The following PCBP4 variants were observed in gnomAD, a reference collection of about 807,000 sequenced individuals.
PCBP4 encodes poly(rC) binding protein 4.
PCBP4 carries 24 observed loss-of-function variants against 46.2 expected under a neutral mutation model. The observed-to-expected ratio is 0.52, with a 90% CI of 0.38 to 0.73. PCBP4 has a LOEUF of 0.73. Among genes scored for constraint, PCBP4 ranks in the 30% least tolerant of loss-of-function variants. The probability of loss-of-function intolerance (pLI) is 0.00; values close to 1 mark genes in which losing one functional copy is unlikely to be tolerated. For synonymous variants in PCBP4, 203 were observed against 224.4 expected, an observed-to-expected ratio of 0.90 and a Z score of 0.85; for missense variants, 407 against 537.0, an observed-to-expected ratio of 0.76 and a Z score of 2.39.
Position 51,958,491 on chromosome 3 carries a change from T to G in PCBP4, c.924-142A>C. On this transcript the variant is annotated intron_variant, in intron 13 of 13. Transcript: ENST00000461554. This position sits in a 1 kb window ranked among gnomAD's most constrained non-coding sequence, Gnocchi z 5.4. ...AACAATAAGGGGAAGATGGGAAAGGTGGAAGAGGAAGGGAAGAAAGGACAA... is the reference window on the plus strand; with the variant it reads ...AACAATAAGGGGAAGATGGGAAAGGGGGAAGAGGAAGGGAAGAAAGGACAA... 1.5e-6 allele frequency: 1 copy of G among 654,106 alleles called. No individual in the cohort carries two copies. Among genetic ancestry groups the G allele is most frequent in the South Asian group, 2.4e-5 (1 of 41,634 alleles). 40.5% of individuals were successfully genotyped at this position (654,106 alleles called of 1,614,324 possible).
chr3:51,958,720 C>T lies in PCBP4; in HGVS notation c.923+70G>A. ...GAGAGAGGAGGCCAGCTTCCTCTCCCCACCCCTGCCTTTCTTGGGCACATG... is the reference window on the plus strand; with the variant it reads ...GAGAGAGGAGGCCAGCTTCCTCTCCTCACCCCTGCCTTTCTTGGGCACATG... On this transcript the variant is annotated intron_variant, in intron 13 of 13. Coordinates refer to ENST00000461554, the MANE Select transcript of PCBP4 (RefSeq NM_001174100.2). This position sits in a 1 kb window ranked among gnomAD's most constrained non-coding sequence, Gnocchi z 5.4. 6.5e-7 allele frequency: 1 copy of T among 1,535,546 alleles called. No individual in the cohort carries two copies. The highest frequency in any genetic ancestry group is 8.8e-7 in the Non-Finnish European group (1 of 1,134,422).
Position 51,960,177 on chromosome 3 carries a change from C to G in PCBP4, c.387+12G>C. 1 of 1,614,096 alleles carries G rather than the reference C, an allele frequency of 6.2e-7. No individual in the cohort carries two copies. Among genetic ancestry groups the G allele is most frequent in the Non-Finnish European group, 8.5e-7 (1 of 1,180,020 alleles). On this transcript the variant is annotated intron_variant, in intron 7 of 13. Coordinates refer to ENST00000461554, the MANE Select transcript of PCBP4 (RefSeq NM_001174100.2). The surrounding 1 kb of genome is among the most constrained non-coding windows in gnomAD (Gnocchi z 5.0). ...CCCGGATTCCCTGTGGGTGGTATAT[C>G]TCGCCCCTCACCTCTCGGATCTCCT...
Position 51,960,195 on chromosome 3 carries a change from G to C in PCBP4, c.381C>G (p.Ile127Met). The part of the protein sequence containing the change: ...IGKAGTKIKE[I>M]RETTGAQVQV... ...GGTATATCTCGCCCCTCACCTCTCG[G>C]ATCTCCTTGATCTTGGTGCCAGCCT... The change falls in exon 7 of 14, where the codon ATC becomes ATG. Residue 127 changes from isoleucine (I) to methionine (M), a missense_variant. Ile to Met is a conservative substitution (Grantham distance 10). Coordinates refer to ENST00000461554, the MANE Select transcript of PCBP4 (RefSeq NM_001174100.2). The surrounding 1 kb of genome is among the most constrained non-coding windows in gnomAD (Gnocchi z 5.0). The C allele has an allele frequency of 6.2e-7, 1 of 1,614,088 alleles. No homozygotes were observed. The highest frequency in any genetic ancestry group is 8.5e-7 in the Non-Finnish European group (1 of 1,180,034).
At position 51,959,074 on chromosome 3, in the gene PCBP4, G is replaced by A. The variant is rs146940855; in HGVS notation, c.726C>T (p.Ser242=). 9.3e-6 allele frequency: 15 copies of A among 1,613,836 alleles called. No individual in the cohort carries two copies. Among genetic ancestry groups the A allele is most frequent in the African/African-American group, 4.0e-5 (3 of 74,896 alleles). ...CGTTGGGAACCAAGAACTCCTGTGAGCTGGTCTGTGTGCCGGGATCCAGTC... is the reference window on the plus strand; with the variant it reads ...CGTTGGGAACCAAGAACTCCTGTGAACTGGTCTGTGTGCCGGGATCCAGTC... ...VPGLDPGTQT[S]SQEFLVPNDL... The change falls in exon 12 of 14, where the codon AGC becomes AGT. Residue 242 remains serine, a synonymous_variant. Transcript: ENST00000461554. This position sits in a 1 kb window ranked among gnomAD's most constrained non-coding sequence, Gnocchi z 5.6.
chr3:51,958,355 G>A lies in PCBP4; in HGVS notation c.924-6C>T, dbSNP rs1699930867. 4.7e-6 allele frequency: 7 copies of A among 1,486,320 alleles called. No homozygotes were observed. The highest frequency in any genetic ancestry group is 6.3e-6 in the Non-Finnish European group (7 of 1,119,052). 92.1% of individuals were successfully genotyped at this position (1,486,320 alleles called of 1,614,324 possible). Reference sequence around the variant, plus strand: ...TAGACTTGGCCGTCTCTAGACTGGAGAGAGGGATATAGAGGGGAGACAAAG... The same window carrying A: ...TAGACTTGGCCGTCTCTAGACTGGAAAGAGGGATATAGAGGGGAGACAAAG... On this transcript the variant is annotated splice_polypyrimidine_tract_variant and splice_region_variant and intron_variant, in intron 13 of 13. Transcript: ENST00000461554. The surrounding 1 kb of genome is among the most constrained non-coding windows in gnomAD (Gnocchi z 5.4).
intron 1 of PCBP4, among the ~76,000 whole-genome samples, chr3:51,963,915 T>G (rs1197621589): frequency 6.6e-6 from 1 of 152,216 alleles, no homozygotes; most frequent in Non-Finnish European, 1.5e-5. Context: ...TGGCTCCCCC[T>G]GCCCTCAGTG....
chr3:51,963,097 T>C (rs1358841318), intron 1 of PCBP4: 2 of 152,270 alleles, frequency 1.3e-5, no homozygotes, highest in African/African-American at 2.4e-5. Flanking sequence ...CTTCTCCTTA[T>C]GTCCCCAGGG....
Position 51,958,144 on chromosome 3 carries a change from G to A in PCBP4, c.1129C>T (p.Pro377Ser). Reference sequence around the variant, plus strand: ...TTGGCAGTGTAGGCCGCCAAGCCCGGCGGCGGCCCTGGGGAAGCAGGTGGT... The same window carrying A: ...TTGGCAGTGTAGGCCGCCAAGCCCGACGGCGGCCCTGGGGAAGCAGGTGGT... ...ALPPASPGPPPGLAAYTAKMA... is the reference protein window; with the variant it reads ...ALPPASPGPPSGLAAYTAKMA... Residue 377 changes from proline (P) to serine (S), a missense_variant, in exon 14 of 14, where the codon CCG becomes TCG. By Grantham distance (74) the Pro-to-Ser change is moderately conservative. Transcript: ENST00000461554. The surrounding 1 kb of genome is among the most constrained non-coding windows in gnomAD (Gnocchi z 5.4). 6.2e-7 allele frequency: 1 copy of A among 1,612,084 alleles called. No individual in the cohort carries two copies. The highest frequency in any genetic ancestry group is 8.5e-7 in the Non-Finnish European group (1 of 1,179,136).
In PCBP4 at chr3:51,959,088, C is replaced by A; in HGVS notation, c.712G>T (p.Gly238Cys). 2 of 1,613,880 alleles carry A rather than the reference C, an allele frequency of 1.2e-6. No homozygotes were observed. The highest frequency in any genetic ancestry group is 1.7e-6 in the Non-Finnish European group (2 of 1,179,936). ...AACTCCTGTGAGCTGGTCTGTGTGC[C>A]GGGATCCAGTCCTGAGGGGGAGAAG... ...TPSVVPGLDPGTQTSSQEFLV... is the reference protein window; with the variant it reads ...TPSVVPGLDPCTQTSSQEFLV... The change falls in exon 12 of 14, where the codon GGC becomes TGC. Residue 238 changes from glycine to cysteine, a missense_variant. Coordinates refer to ENST00000461554, the MANE Select transcript of PCBP4 (RefSeq NM_001174100.2). The surrounding 1 kb of genome is among the most constrained non-coding windows in gnomAD (Gnocchi z 5.6).
chr3:51,960,916 CAG>C lies in PCBP4; in HGVS notation c.106-20_106-19del, dbSNP rs1418081760. 1 of 1,614,082 alleles carries C rather than the reference CAG, an allele frequency of 6.2e-7. No homozygotes were observed. Among genetic ancestry groups the C allele is most frequent in the African/African-American group, 1.3e-5 (1 of 74,916 alleles). ...TCGCCCTTCTGTGGGAGGTACAAAA[CAG>C]ATAATCACTCTTAACTTAGAGGTCA... is the stretch of plus-strand genomic sequence containing the variant. On this transcript the variant is annotated intron_variant, in intron 4 of 13. Transcript: ENST00000461554. This position sits in a 1 kb window ranked among gnomAD's most constrained non-coding sequence, Gnocchi z 5.0.
chr3:51,958,032 G>T lies in PCBP4; in HGVS notation c.*29C>A. 6.6e-7 allele frequency: 1 copy of T among 1,511,948 alleles called. No homozygotes were observed. Among genetic ancestry groups the T allele is most frequent in the Non-Finnish European group, 8.8e-7 (1 of 1,132,070 alleles). The allele number at this position is 1,511,948 out of a possible 1,614,324, so 93.7% of individuals were successfully genotyped here. The stretch of plus-strand genomic sequence containing the variant: ...GAGGCAGCCCCCTGCTGGTGGTCCT[G>T]CCTGCCCCTGCCTGTACCTCAGCTG... On this transcript the variant is annotated 3_prime_UTR_variant, in exon 14 of 14. Coordinates refer to ENST00000461554, the MANE Select transcript of PCBP4 (RefSeq NM_001174100.2). This position sits in a 1 kb window ranked among gnomAD's most constrained non-coding sequence, Gnocchi z 5.4.
chr3:51,959,536 T>C lies in PCBP4; in HGVS notation c.591+41A>G. The C allele has an allele frequency of 6.5e-7, 1 of 1,537,706 alleles. No homozygotes were observed. Among genetic ancestry groups the C allele is most frequent in the Non-Finnish European group, 8.8e-7 (1 of 1,134,576 alleles). ...TCCCCTCCTCTATCTCAATCCCCCT[T>C]CTCCAGTAATGTGTCCCACTGCTCC... On this transcript the variant is annotated intron_variant, in intron 9 of 13. Coordinates refer to ENST00000461554, the MANE Select transcript of PCBP4 (RefSeq NM_001174100.2). This position sits in a 1 kb window ranked among gnomAD's most constrained non-coding sequence, Gnocchi z 5.6.
chr3:51,959,659 G>A lies in PCBP4; in HGVS notation c.517-8C>T, dbSNP rs1414343635. On this transcript the variant is annotated splice_polypyrimidine_tract_variant and splice_region_variant and intron_variant, in intron 8 of 13. Transcript: ENST00000461554. This position sits in a 1 kb window ranked among gnomAD's most constrained non-coding sequence, Gnocchi z 5.6. Reference sequence around the variant, plus strand: ...GGCTCCTTTGGGTGGGGACTGGAAGGCATAAACAGGGCTCTGTCAGGACCC... The same window carrying A: ...GGCTCCTTTGGGTGGGGACTGGAAGACATAAACAGGGCTCTGTCAGGACCC... 7 of 1,550,780 alleles carry A rather than the reference G, an allele frequency of 4.5e-6. No individual in the cohort carries two copies. The highest frequency in any genetic ancestry group is 6.1e-6 in the Non-Finnish European group (7 of 1,146,232).
In PCBP4 at chr3:51,960,668, C is replaced by A. The variant is rs765843169; in HGVS notation, c.139-26G>T. On this transcript the variant is annotated intron_variant, in intron 5 of 13. Transcript: ENST00000461554. This position sits in a 1 kb window ranked among gnomAD's most constrained non-coding sequence, Gnocchi z 5.0. ...CTGCAGATATAGAATGAGCGCCGGG[C>A]AGCGGGGCATCTTCCCTGCTCCCTT... 1 of 1,575,618 alleles carries A rather than the reference C, an allele frequency of 6.3e-7. No homozygotes were observed. Among genetic ancestry groups the A allele is most frequent in the African/African-American group, 1.3e-5 (1 of 74,082 alleles).
chr3:51,959,714 C>T lies in PCBP4; in HGVS notation c.517-63G>A. On this transcript the variant is annotated intron_variant, in intron 8 of 13. Coordinates refer to ENST00000461554, the MANE Select transcript of PCBP4 (RefSeq NM_001174100.2). The surrounding 1 kb of genome is among the most constrained non-coding windows in gnomAD (Gnocchi z 5.6). Reference sequence around the variant, plus strand: ...AGGCTCCGATAACCTCCCCAGCTGCCCAGTGGCCTCAGGCCCCCACCATGA... The same window carrying T: ...AGGCTCCGATAACCTCCCCAGCTGCTCAGTGGCCTCAGGCCCCCACCATGA... 6.7e-7 allele frequency: 1 copy of T among 1,494,970 alleles called. No homozygotes were observed. 92.6% of individuals were successfully genotyped at this position (1,494,970 alleles called of 1,614,324 possible). A position where few individuals can be genotyped will look rare whatever the true frequency, so the allele number is the denominator to read the frequency against.
In PCBP4 at chr3:51,961,154, G is replaced by A. The variant is rs191313924; in HGVS notation, c.81+6C>T. The A allele has an allele frequency of 3.9e-5, 63 of 1,613,538 alleles. No homozygotes were observed. Among genetic ancestry groups the A allele is most frequent in the African/African-American group, 2.1e-4 (16 of 75,040 alleles). On this transcript the variant is annotated splice_donor_region_variant and intron_variant, in intron 3 of 13. Transcript: ENST00000461554. The stretch of plus-strand genomic sequence containing the variant: ...TGCCTCGCCTGGCCCTCCACCTCCC[G>A]CTCACCTTCCCGTGCATCAGCATCC...
rs138501114 is a variant in PCBP4, at chr3:51,961,016, G to A, written c.99C>T (p.Ile33=). The A allele has an allele frequency of 1.7e-5, 28 of 1,614,216 alleles. No individual in the cohort carries two copies. The Middle Eastern group carries it at 1.3e-3, about 76-fold the overall frequency. The change falls in exon 4 of 14, where the codon ATC becomes ATT. Residue 33 remains isoleucine (I), a synonymous_variant. Coordinates refer to ENST00000461554, the MANE Select transcript of PCBP4 (RefSeq NM_001174100.2). ...LMHGKEVGSI[I]GKKGETVKRI... ...AGCAGAGCTAGGCACCTACCTTCCC[G>A]ATGATGCTGCCCACTTCCTGCGGAC...
chr3:51,958,102 C>A lies in PCBP4; in HGVS notation c.1171G>T (p.Gly391Trp), dbSNP rs1280169968. 1 of 1,590,744 alleles carries A rather than the reference C, an allele frequency of 6.3e-7. No homozygotes were observed. The highest frequency in any genetic ancestry group is 1.3e-5 in the African/African-American group (1 of 74,166). ...TTCTGCCGCTCAGCCTTCTTGCTCCCATTAGCTGCTGCCATCTTGGCAGTG... is the reference window on the plus strand; with the variant it reads ...TTCTGCCGCTCAGCCTTCTTGCTCCAATTAGCTGCTGCCATCTTGGCAGTG... ...AYTAKMAAAN[G>W]SKKAERQKFS... is the part of the protein sequence containing the mutation. Residue 391 changes from glycine to tryptophan, a missense_variant, in exon 14 of 14, where the codon GGG (glycine) becomes TGG (tryptophan). By Grantham distance (184) the Gly-to-Trp change is radical. Transcript: ENST00000461554. The surrounding 1 kb of genome is among the most constrained non-coding windows in gnomAD (Gnocchi z 5.4).
Position 51,958,697 on chromosome 3 carries a change from G to T in PCBP4, c.923+93C>A. ...GAGGCAGAGGTCGGGCCCAGACAGA[G>T]AGAGGAGGCCAGCTTCCTCTCCCCA... On this transcript the variant is annotated intron_variant, in intron 13 of 13. Coordinates refer to ENST00000461554, the MANE Select transcript of PCBP4 (RefSeq NM_001174100.2). The surrounding 1 kb of genome is among the most constrained non-coding windows in gnomAD (Gnocchi z 5.4). The T allele has an allele frequency of 7.0e-7, 1 of 1,420,038 alleles. No homozygotes were observed. Among genetic ancestry groups the T allele is most frequent in the East Asian group, 2.3e-5 (1 of 42,786 alleles). 88.0% of individuals were successfully genotyped at this position (1,420,038 alleles called of 1,614,324 possible). A position where few individuals can be genotyped will look rare whatever the true frequency, so the allele number is the denominator to read the frequency against.
Sources: gnomAD v4.1 joint callset for allele counts (sites outside exome capture counted in the v4.1 genomes callset) on GRCh38, gnomAD v4.1.1 for gene constraint, Gnocchi (gnomAD v3.1) non-coding constraint, MANE v1.5 for transcripts, NCBI Gene and HGNC (gene_info 2026-07-23, HGNC 2026-07-21) for gene names.